ACSS3: variants seen among roughly 807,000 people sequenced by gnomAD.
ACSS3 encodes acyl-CoA synthetase short-chain family member 3, mitochondrial.
Under a neutral mutation model 84.2 loss-of-function variants are expected in ACSS3, and 64 were observed. That is an observed-to-expected ratio of 0.76 (90% CI 0.62 to 0.94). The LOEUF (loss-of-function observed/expected upper bound fraction) is 0.94. ACSS3 is among the 40% of genes least tolerant of loss of function. The pLI, the probability that ACSS3 is intolerant of heterozygous loss-of-function variation, is 0.00. For synonymous variants in ACSS3, 317 were observed against 310.1 expected (o/e 1.02, Z -0.23); for missense variants, 815 against 867.6 (o/e 0.94, Z 0.76).
At chr12:81,148,251 T>C (rs1886439560) in intron 5 of ACSS3, among the ~76,000 whole-genome samples, 1 of 152,122 alleles carries the variant, frequency 6.6e-6, no homozygotes, top group African/African-American at 2.4e-5. Context: ...ACAACACCTA[T>C]TGTTACAATT....
chr12:81,256,301 A>T lies in ACSS3; in HGVS notation c.*1379A>T, dbSNP rs1007265368. On this transcript the variant is annotated 3_prime_UTR_variant, in exon 16 of 16. Transcript: ENST00000548058. ...TCTAATTTTAAAATAATAACTCATT[A>T]AAAATATTGTAATGTCCAAAAGTAT... 6.6e-6 allele frequency: 1 copy of T among 152,226 alleles called. No individual in the cohort carries two copies. Among genetic ancestry groups the T allele is most frequent in the African/African-American group, 2.4e-5 (1 of 41,454 alleles). The allele number at this position is 152,226 out of a possible 1,614,324, so 9.4% of individuals were successfully genotyped here. A position where few individuals can be genotyped will look rare whatever the true frequency, so the allele number is the denominator to read the frequency against.
intron 1 of ACSS3, among the ~76,000 whole-genome samples, chr12:81,085,239 CA>C (rs1881236011): frequency 6.6e-6 from 1 of 152,132 alleles, no homozygotes; most frequent in Admixed American, 6.5e-5. Flanking sequence ...AAACAGGTTG[CA>C]AAAGTCTCAG....
In ACSS3 at chr12:81,162,407, A is replaced by T. The variant is rs368199111; in HGVS notation, c.1098+10311A>T. ...GAGTCTGCAGCCCTCTGGAATGGAT[A>T]ACTCCTATCTGCAGGCAAGCTGTCC... On this transcript the variant is annotated intron_variant, in intron 7 of 15. Coordinates refer to ENST00000548058, the MANE Select transcript of ACSS3 (RefSeq NM_024560.4). Among the ~76,000 whole-genome samples, 11 of 152,252 alleles carry T rather than the reference A, an allele frequency of 7.2e-5. No individual in the cohort carries two copies. The East Asian group carries it at 7.8e-4, about 11-fold the overall frequency.
chr12:81,125,336 C>T (rs1361817486), intron 2 of ACSS3, among the ~76,000 whole-genome samples: 1 of 152,200 alleles, frequency 6.6e-6, no homozygotes, highest in Non-Finnish European at 1.5e-5. Flanking sequence ...CCTTACCACA[C>T]ACATAACCAA....
chr12:81,253,545 A>G lies in ACSS3; in HGVS notation c.1870A>G (p.Arg624Gly). The change falls in exon 15 of 16, where the codon AGA (arginine) becomes GGA (glycine). Residue 624 changes from arginine (R) to glycine (G), a missense_variant. Coordinates refer to ENST00000548058, the MANE Select transcript of ACSS3 (RefSeq NM_024560.4). The part of the protein sequence containing the change: ...QVLEEIVKHV[R>G]QNIGPVAAFR... The stretch of plus-strand genomic sequence containing the variant: ...TTTGGAAGAAATTGTGAAACACGTT[A>G]GACAGAACATTGGCCCTGTGGCTGC... 6.2e-7 allele frequency: 1 copy of G among 1,613,978 alleles called. No homozygotes were observed. Among genetic ancestry groups the G allele is most frequent in the African/African-American group, 1.3e-5 (1 of 75,042 alleles).
Position 81,224,099 on chromosome 12 carries a change from G to T in ACSS3, c.1514+4023G>T, listed in dbSNP as rs538122951. Among the ~76,000 whole-genome samples, 3 of 151,960 alleles carry T rather than the reference G, an allele frequency of 2.0e-5. No individual in the cohort carries two copies. The East Asian group carries it at 5.8e-4, about 30-fold the overall frequency. On this transcript the variant is annotated intron_variant, in intron 11 of 15. Transcript: ENST00000548058. ...TAAGAGGACTCTCAATTCATAATTG[G>T]ATGAGTTGTACCAAAACTCCCTCTT...
chr12:81,146,130 T>C (rs1462790090), intron 5 of ACSS3, among the ~76,000 whole-genome samples: 1 of 152,182 alleles, frequency 6.6e-6, no homozygotes, highest in African/African-American at 2.4e-5. Context: ...TAACAATGAA[T>C]GTTCTCTGAG....
At chr12:81,227,286 A>G (rs1207947783) in intron 11 of ACSS3, among the ~76,000 whole-genome samples, 1 of 151,794 alleles carries the variant, frequency 6.6e-6, no homozygotes, top group Non-Finnish European at 1.5e-5. Context: ...CATCTAAAAA[A>G]TGCCTTCACA....
chr12:81,078,814 C>A (rs1005063056), intron 1 of ACSS3, among the ~76,000 whole-genome samples: 1 of 152,150 alleles, frequency 6.6e-6, no homozygotes, highest in Non-Finnish European at 1.5e-5. Flanking sequence ...AACTAAGTAT[C>A]CTCCTACTAT....
chr12:81,102,006 C>T (rs978145482), intron 1 of ACSS3, among the ~76,000 whole-genome samples: 4 of 151,736 alleles, frequency 2.6e-5, no homozygotes, highest in Admixed American at 2.0e-4. Flanking sequence ...ATGCTCTCCC[C>T]ATACCCTGGC....
Position 81,253,610 on chromosome 12 carries a change from C to A in ACSS3, c.1935C>A (p.Thr645=). The stretch of plus-strand genomic sequence containing the variant: ...TGTTTGTCAAACAGCTACCCAAAAC[C>A]AGATCTGGCAAGATCCCCCGATCAG... ...NAVFVKQLPK[T]RSGKIPRSAL... Residue 645 remains threonine (T), a synonymous_variant, in exon 15 of 16, where the codon ACC becomes ACA. Coordinates refer to ENST00000548058, the MANE Select transcript of ACSS3 (RefSeq NM_024560.4). 1 of 1,613,936 alleles carries A rather than the reference C, an allele frequency of 6.2e-7. No individual in the cohort carries two copies. The highest frequency in any genetic ancestry group is 8.5e-7 in the Non-Finnish European group (1 of 1,179,886).
intron 8 of ACSS3, 132 bp downstream of exon 8, chr12:81,175,071 A>G: frequency 1.1e-6 from 1 of 932,902 alleles, no homozygotes; most frequent in Non-Finnish European, 1.5e-6. Flanking sequence ...TATTAAGAAC[A>G]ACTTGTCTAA....
chr12:81,117,172 G>A (rs2121525753), intron 2 of ACSS3, among the ~76,000 whole-genome samples: 1 of 152,142 alleles, frequency 6.6e-6, no homozygotes, highest in South Asian at 2.1e-4. Flanking sequence ...TTATTTTCTT[G>A]GACTAGAATG....
chr12:81,083,642 G>A (rs1463168142), intron 1 of ACSS3, among the ~76,000 whole-genome samples: 11 of 151,852 alleles, frequency 7.2e-5, no homozygotes. Context: ...TTACAGGCAT[G>A]AGCCACCGTG....
At chr12:81,222,425 T>C (rs923326500) in intron 11 of ACSS3, among the ~76,000 whole-genome samples, 6 of 152,104 alleles carry the variant, frequency 3.9e-5, no homozygotes, top group Admixed American at 2.6e-4. Context: ...AAACTCCTTT[T>C]ATCTATAAGA....
intron 5 of ACSS3, among the ~76,000 whole-genome samples, chr12:81,144,858 A>G (rs1395719307): frequency 6.6e-6 from 1 of 151,544 alleles, no homozygotes; most frequent in South Asian, 2.1e-4. Context: ...GTGGTTCCAA[A>G]TAAGGATGGA....
At chr12:81,127,318 A>G (rs1780221665) in intron 2 of ACSS3, among the ~76,000 whole-genome samples, 4 of 152,234 alleles carry the variant, frequency 2.6e-5, no homozygotes, top group African/African-American at 7.2e-5. Flanking sequence ...TTTTACTATC[A>G]TTCCAGATCT....
chr12:81,145,168 G>A (rs1886280791), intron 5 of ACSS3, among the ~76,000 whole-genome samples: 1 of 148,138 alleles, frequency 6.8e-6, no homozygotes, highest in Admixed American at 7.0e-5. Context: ...CACCCGCCTC[G>A]GCCTCCCAAA....
intron 2 of ACSS3, among the ~76,000 whole-genome samples, chr12:81,121,888 G>A (rs1884635063): frequency 6.6e-6 from 1 of 150,758 alleles, no homozygotes; most frequent in African/African-American, 2.4e-5. Context: ...GAAACTGCAT[G>A]AGTGCTCAGA....
Sources: gnomAD v4.1 joint callset for allele counts (sites outside exome capture counted in the v4.1 genomes callset) on GRCh38, gnomAD v4.1.1 for gene constraint, MANE v1.5 for transcripts, NCBI Gene and HGNC (gene_info 2026-07-23, HGNC 2026-07-21) for gene names.